The following FABP3 variants were observed in gnomAD, a reference collection of about 807,000 sequenced individuals.
The protein encoded by FABP3 is fatty acid binding protein 3, also known as fatty acid-binding protein, heart.
Under a neutral mutation model 13.4 loss-of-function variants are expected in FABP3, and 8 were observed. The observed-to-expected ratio is 0.60, with a 90% confidence interval of 0.35 to 1.07. FABP3 has a LOEUF of 1.07. Among genes scored for constraint, FABP3 ranks in the 50% least tolerant of loss-of-function variants. The pLI, the probability that FABP3 is intolerant of heterozygous loss-of-function variation, is 0.02. For missense variants in FABP3, 135 were observed against 164.7 expected, an observed-to-expected ratio of 0.82 and a Z score of 0.99; for synonymous variants, 64 against 60.0, an observed-to-expected ratio of 1.07 and a Z score of -0.31.
intron 1 of FABP3, among the ~76,000 whole-genome samples, chr1:31,371,021 G>A (rs138433187): frequency 6.6e-6 from 1 of 152,334 alleles, no homozygotes; most frequent in Non-Finnish European, 1.5e-5. Flanking sequence ...ATAAACTACT[G>A]ACATAGATTT....
downstream of FABP3, among the ~76,000 whole-genome samples, chr1:31,362,216 C>A (rs1557464737): frequency 6.6e-6 from 1 of 152,218 alleles, no homozygotes; most frequent in Admixed American, 6.5e-5. Flanking sequence ...AGCCAGAACT[C>A]AGGTCCAGGT....
chr1:31,363,944 T>C (rs1640030265), downstream of FABP3: 1 of 1,526,648 alleles, frequency 6.6e-7, no homozygotes, highest in Admixed American at 2.2e-5. Flanking sequence ...ATTACAGGTG[T>C]GAGCCACTGC....
chr1:31,369,932 C>T (rs919695882), intron 1 of FABP3, among the ~76,000 whole-genome samples: 1 of 151,950 alleles, frequency 6.6e-6, no homozygotes, highest in Non-Finnish European at 1.5e-5. Context: ...TGGTGAAACC[C>T]GTCTCTACTA....
intron 2 of FABP3, among the ~76,000 whole-genome samples, chr1:31,368,203 G>A (rs568811996): frequency 1.3e-5 from 2 of 152,322 alleles, no homozygotes; most frequent in South Asian, 4.1e-4. Flanking sequence ...GCCAGGCTAA[G>A]GGATCCTGAT....
At position 31,365,677 on chromosome 1, in the gene FABP3, G is replaced by T; in HGVS notation, c.*209C>A. On this transcript the variant is annotated 3_prime_UTR_variant, in exon 4 of 4. Transcript: ENST00000373713. ...TGGGTGGCCTTGGCTCTGCTTTATT[G>T]ACCTCAGAGCACCCTATGAGTGCAG... 1 of 502,376 alleles carries T rather than the reference G, an allele frequency of 2.0e-6. No homozygotes were observed. The highest frequency in any genetic ancestry group is 3.6e-6 in the Non-Finnish European group (1 of 280,352). The allele number at this position is 502,376 out of a possible 1,614,324, so 31.1% of individuals were successfully genotyped here.
chr1:31,367,384 C>A lies in FABP3; in HGVS notation c.348+9G>T. ...CAATCAGATATAGCTCCAAAGTTGCCCATCTTACCAGGATGAGTTTTCCAT... is the reference window on the plus strand; with the variant it reads ...CAATCAGATATAGCTCCAAAGTTGCACATCTTACCAGGATGAGTTTTCCAT... On this transcript the variant is annotated intron_variant, in intron 3 of 3. Coordinates refer to ENST00000373713, the MANE Select transcript of FABP3 (RefSeq NM_004102.5). 1.9e-6 allele frequency: 3 copies of A among 1,610,578 alleles called. No individual in the cohort carries two copies. Among genetic ancestry groups the A allele is most frequent in the Non-Finnish European group, 2.5e-6 (3 of 1,176,802 alleles).
downstream of FABP3, chr1:31,364,151 G>T: frequency 6.2e-7 from 1 of 1,613,850 alleles, no homozygotes; most frequent in Non-Finnish European, 8.5e-7. Flanking sequence ...CAGCAAAGAA[G>T]AAGAAAAAGA....
At chr1:31,370,841 G>A (rs1437716760) in intron 1 of FABP3, among the ~76,000 whole-genome samples, 1 of 152,206 alleles carries the variant, frequency 6.6e-6, no homozygotes, top group Non-Finnish European at 1.5e-5. Flanking sequence ...GTGAGGTGGT[G>A]TGTGTAAAGT....
At chr1:31,361,104 T>C (rs1055729018), downstream of FABP3, among the ~76,000 whole-genome samples, 1 of 152,204 alleles carries the variant, frequency 6.6e-6, no homozygotes, top group Admixed American at 6.5e-5. Flanking sequence ...ACTTCCATGG[T>C]CTTGCCATCC....
In FABP3 at chr1:31,365,546, A is replaced by T; in HGVS notation, c.*340T>A. The T allele has an allele frequency of 3.5e-6, 1 of 287,084 alleles. No individual in the cohort carries two copies. The highest frequency in any genetic ancestry group is 6.8e-6 in the Non-Finnish European group (1 of 148,008). The allele number at this position is 287,084 out of a possible 1,614,324, so 17.8% of individuals were successfully genotyped here. ...GACTGTCCATTTCAGTCTCCCATCC[A>T]GTGCTTCTTCCTCAGTAACCTTCAG... On this transcript the variant is annotated 3_prime_UTR_variant, in exon 4 of 4. Transcript: ENST00000373713.
downstream of FABP3, chr1:31,364,245 G>T: frequency 6.4e-7 from 1 of 1,565,454 alleles, no homozygotes; most frequent in East Asian, 2.3e-5. Flanking sequence ...GGAGCCTTGT[G>T]CCTTGAGACT....
chr1:31,366,400 C>T (rs1214305461), intron 3 of FABP3, among the ~76,000 whole-genome samples: 2 of 152,136 alleles, frequency 1.3e-5, no homozygotes, highest in African/African-American at 4.8e-5. Flanking sequence ...AGCCCTGTAC[C>T]TCCCACTATC....
intron 3 of FABP3, 123 bp from the exon 4 acceptor site, chr1:31,366,062 ATGTGTGTG>A (rs3049341): frequency 0.11 from 63,431 of 572,886 alleles, 2,482 homozygotes; most frequent in African/African-American, 0.13. Flanking sequence ...ATATGTATGT[ATGTGTGTG>A]TGTGTGTGTG....
At chr1:31,359,952 C>A in the FABP3 span, among the ~76,000 whole-genome samples, 10 of 152,188 alleles carry the variant, frequency 6.6e-5, no homozygotes, top group African/African-American at 2.4e-4. Flanking sequence ...TTCCCCCACC[C>A]CAACTCCCAA....
At chr1:31,362,755 T>C (rs2148488911), downstream of FABP3, among the ~76,000 whole-genome samples, 1 of 152,336 alleles carries the variant, frequency 6.6e-6, no homozygotes. Flanking sequence ...ACCTTGGATA[T>C]GTGAGTCACT....
intron 3 of FABP3, among the ~76,000 whole-genome samples, chr1:31,367,019 G>T (rs187978942): frequency 2.4e-4 from 36 of 152,340 alleles, no homozygotes; most frequent in African/African-American, 8.4e-4. Flanking sequence ...AACACAGGAA[G>T]AGCAAACAAA....
intron 1 of FABP3, among the ~76,000 whole-genome samples, chr1:31,371,708 A>G (rs1375892278): frequency 2.0e-5 from 3 of 152,168 alleles, no homozygotes; most frequent in African/African-American, 4.8e-5. Flanking sequence ...TGGGCATTCC[A>G]ACTTCCCAAT....
rs201934570 is a variant in FABP3 at position 31,369,508 on chromosome 1, T to G, written c.123A>C (p.Thr41=). ...GAATGTCCCCATTCTTTTCGATGAT[T>G]GTGGTAGGCTTGGTCATGCTGGCCA... ...RQVASMTKPT[T]IIEKNGDILT... is the part of the protein sequence containing the mutation. The change falls in exon 2 of 4, where the codon ACA becomes ACC. Residue 41 remains threonine (T), a synonymous_variant. Transcript: ENST00000373713. 1 of 1,614,170 alleles carries G rather than the reference T, an allele frequency of 6.2e-7. No homozygotes were observed. The highest frequency in any genetic ancestry group is 2.2e-5 in the East Asian group (1 of 44,884).
At chr1:31,364,324 T>C, downstream of FABP3, 3 of 1,418,456 alleles carry the variant, frequency 2.1e-6, no homozygotes, top group South Asian at 5.0e-5. Context: ...GGAGATGGCT[T>C]CCCCTCATGC....
Sources: gnomAD v4.1 joint callset for allele counts (sites outside exome capture counted in the v4.1 genomes callset) on GRCh38, gnomAD v4.1.1 for gene constraint, MANE v1.5 for transcripts, NCBI Gene and HGNC (gene_info 2026-07-23, HGNC 2026-07-21) for gene names.